The following KCNMB2 variants were observed in gnomAD, a reference collection of about 807,000 sequenced individuals.
KCNMB2 encodes the protein calcium-activated potassium channel subunit beta-2.
KCNMB2 carries 9 observed loss-of-function variants against 24.5 expected under a neutral mutation model. The observed-to-expected ratio is 0.37, with a 90% CI of 0.22 to 0.64. KCNMB2 has a LOEUF of 0.64. Among genes scored for constraint, KCNMB2 ranks in the 30% least tolerant of loss-of-function variants. The probability of loss-of-function intolerance (pLI) is 0.63; values close to 1 mark genes in which losing one functional copy is unlikely to be tolerated. For synonymous variants in KCNMB2, 109 were observed against 104.4 expected, an observed-to-expected ratio of 1.04 and a Z score of -0.27; for missense variants, 226 against 284.3, an observed-to-expected ratio of 0.79 and a Z score of 1.47.
chr3:178,758,526 GTATATA>G (rs1269453179), intron 1 of KCNMB2, among the ~76,000 whole-genome samples: 20 of 12,602 alleles, frequency 1.6e-3, no homozygotes, highest in South Asian at 4.2e-3. Context: ...AAGAGGAGAT[GTATATA>G]TATATATATA....
At chr3:178,778,100 T>C (rs541363525) in intron 1 of KCNMB2, among the ~76,000 whole-genome samples, 2 of 152,208 alleles carry the variant, frequency 1.3e-5, no homozygotes, top group Admixed American at 1.3e-4. Flanking sequence ...TTGCTTGCAG[T>C]GTTTCTTTTC....
At position 178,786,837 on chromosome 3, in the gene KCNMB2, CA is replaced by C. The variant is rs1230197805; in HGVS notation, c.-67-20495del. Among the ~76,000 whole-genome samples, 244 of 136,064 alleles carry C rather than the reference CA, an allele frequency of 1.8e-3. 1 individual carries two copies. The East Asian group carries it at 0.024, about 13-fold the overall frequency. 89.3% of individuals were successfully genotyped at this position (136,064 alleles called of 152,430 possible). On this transcript the variant is annotated intron_variant, in intron 1 of 4. Transcript: ENST00000452583. ...ATAAAAAAACCTACTTGCAATTTTT[CA>C]AAAAAAAAAAGAAATAAATAAACAA... is the stretch of plus-strand genomic sequence containing the variant.
intron 1 of KCNMB2, among the ~76,000 whole-genome samples, chr3:178,571,255 T>C (rs1045920035): frequency 2.0e-5 from 3 of 151,798 alleles, no homozygotes; most frequent in Admixed American, 6.6e-5. Flanking sequence ...TGGCTCTATT[T>C]GACAAAAGTG....
chr3:178,766,096 A>G (rs1712107278), intron 1 of KCNMB2, among the ~76,000 whole-genome samples: 1 of 152,176 alleles, frequency 6.6e-6, no homozygotes, highest in South Asian at 2.1e-4. Context: ...ATTGAACAAA[A>G]AGACCCACCT....
chr3:178,688,500 C>T (rs1721549212), intron 1 of KCNMB2, among the ~76,000 whole-genome samples: 1 of 152,168 alleles, frequency 6.6e-6, no homozygotes, highest in African/African-American at 2.4e-5. Context: ...CAGCACATAA[C>T]AAATAAATAT....
chr3:178,806,683 CATAATAATAATAATAATA>C (rs61194423), intron 1 of KCNMB2, among the ~76,000 whole-genome samples: 1 of 147,786 alleles, frequency 6.8e-6, no homozygotes, highest in African/African-American at 2.5e-5. Flanking sequence ...AAAGCCAAGT[CATAATAATAATAATAATA>C]ATAATAATAA....
chr3:178,779,417 A>G (rs944120263), intron 1 of KCNMB2, among the ~76,000 whole-genome samples: 3 of 152,208 alleles, frequency 2.0e-5, no homozygotes, highest in Non-Finnish European at 4.4e-5. Context: ...GAAGAATTGT[A>G]CTGGCATAGG....
At chr3:178,707,171 C>T (rs1346081437) in intron 1 of KCNMB2, among the ~76,000 whole-genome samples, 1 of 151,978 alleles carries the variant, frequency 6.6e-6, no homozygotes, top group African/African-American at 2.4e-5. Flanking sequence ...TGGTATAAAC[C>T]TTGAGGTGAG....
At chr3:178,554,537 CCTTT>C (rs1417598611) in intron 1 of KCNMB2, among the ~76,000 whole-genome samples, 1 of 152,104 alleles carries the variant, frequency 6.6e-6, no homozygotes, top group Admixed American at 6.5e-5. Flanking sequence ...AATGTCAATT[CCTTT>C]CTTTCTTTCT....
intron 1 of KCNMB2, among the ~76,000 whole-genome samples, chr3:178,797,038 A>AT (rs1315930542): frequency 2.0e-5 from 3 of 152,102 alleles, no homozygotes; most frequent in African/African-American, 4.8e-5. Context: ...ATAAAATCAG[A>AT]TAAAAAAAAG....
intron 1 of KCNMB2, among the ~76,000 whole-genome samples, chr3:178,542,255 G>A (rs1391309097): frequency 6.6e-6 from 1 of 152,160 alleles, no homozygotes; most frequent in Non-Finnish European, 1.5e-5. Context: ...TGTTGGGCAA[G>A]TTTCTTAAAC....
chr3:178,831,764 A>C (rs557913850), intron 4 of KCNMB2, among the ~76,000 whole-genome samples: 1 of 152,218 alleles, frequency 6.6e-6, no homozygotes, highest in African/African-American at 2.4e-5. Flanking sequence ...GGAGGGAGGA[A>C]GGAGGGTGAG....
rs1484759380 is a variant in KCNMB2, at chr3:178,537,598, G to GAAA, written c.-68+887_-68+888insAAA. ...CTGCTTTGTACTTTATATGGGATCG[G>GAAA]TATAGCACAATCAGAAAAGGAAATG... On this transcript the variant is annotated intron_variant, in intron 1 of 4. Transcript: ENST00000452583. 6.6e-5 allele frequency among the ~76,000 whole-genome samples: 10 copies of GAAA among 152,292 alleles called. No homozygotes were observed. In the East Asian group the frequency reaches 1.9e-3, roughly 29 times the overall value.
At chr3:178,779,625 T>C (rs1198805565) in intron 1 of KCNMB2, among the ~76,000 whole-genome samples, 4 of 152,222 alleles carry the variant, frequency 2.6e-5, no homozygotes, top group African/African-American at 9.6e-5. Flanking sequence ...GTATCAATTT[T>C]GCTGACCGAT....
chr3:178,695,134 C>T (rs1721828498), intron 1 of KCNMB2, among the ~76,000 whole-genome samples: 1 of 152,254 alleles, frequency 6.6e-6, no homozygotes, highest in Non-Finnish European at 1.5e-5. Context: ...ATGGAAGTTG[C>T]CAGGGCTTGG....
At chr3:178,538,694 GA>G (rs1715488689) in intron 1 of KCNMB2, among the ~76,000 whole-genome samples, 1 of 152,078 alleles carries the variant, frequency 6.6e-6, no homozygotes, top group Non-Finnish European at 1.5e-5. Flanking sequence ...GATTGATGAG[GA>G]AAAAGTTTCC....
intron 4 of KCNMB2, among the ~76,000 whole-genome samples, chr3:178,830,602 C>T (rs1715018505): frequency 6.6e-6 from 1 of 152,114 alleles, no homozygotes; most frequent in Non-Finnish European, 1.5e-5. Context: ...GTTCTTACTG[C>T]TCCAAATCTT....
intron 1 of KCNMB2, among the ~76,000 whole-genome samples, chr3:178,612,247 G>C (rs1166806150): frequency 1.3e-5 from 2 of 152,162 alleles, no homozygotes; most frequent in Admixed American, 1.3e-4. Flanking sequence ...GAAATGTTCT[G>C]TAAATATCTA....
chr3:178,580,445 T>C (rs1178437877), intron 1 of KCNMB2, among the ~76,000 whole-genome samples: 1 of 152,076 alleles, frequency 6.6e-6, no homozygotes, highest in Non-Finnish European at 1.5e-5. Context: ...AGCATTCCCT[T>C]TGAAAACCAG....
Sources: allele counts gnomAD v4.1 joint callset (sites outside exome capture counted in the v4.1 genomes callset), GRCh38; gene constraint gnomAD v4.1.1; transcripts MANE v1.5; gene names NCBI Gene and HGNC (gene_info 2026-07-23, HGNC 2026-07-21).